C4orf54: variants seen among roughly 807,000 people sequenced by gnomAD.
C4orf54 encodes chromosome 4 open reading frame 54.
In C4orf54, 67 loss-of-function variants were observed where a neutral mutation model predicts 80.1. The ratio of observed to expected loss-of-function variants is 0.84; its 90% confidence interval spans 0.69 to 1.03. The LOEUF (loss-of-function observed/expected upper bound fraction) is 1.03. Ranked by LOEUF, C4orf54 falls within the 50% of genes least tolerant of loss-of-function variation. C4orf54 has a pLI of 0.00. For synonymous variants in C4orf54, 1,000 were observed against 917.0 expected (o/e 1.09, Z -1.64); for missense variants, 2,434 against 2,253.5 (o/e 1.08, Z -1.62).
rs70958324 is a variant in C4orf54, at chr4:99,645,410, T to TAAAA, written c.*36+3817_*36+3820dup. Among the ~76,000 whole-genome samples the TAAAA allele has an allele frequency of 3.8e-3, 213 of 55,860 alleles. 3 individuals carry two copies. Among genetic ancestry groups the TAAAA allele is most frequent in the East Asian group, 0.014 (28 of 1,946 alleles). 36.6% of individuals were successfully genotyped at this position (55,860 alleles called of 152,430 possible). A position where few individuals can be genotyped will look rare whatever the true frequency, so the allele number is the denominator to read the frequency against. On this transcript the variant is annotated intron_variant, in intron 2 of 2. Coordinates refer to ENST00000511828, the MANE Select transcript of C4orf54 (RefSeq NM_001354435.2). ...GAAATGAAGAAACAAAGGCTTACAG[T>TAAAA]AAAAAAAAAAAAAAAAAAAAAAGAA...
Position 99,649,547 on chromosome 4 carries a change from G to C in C4orf54, c.5102C>G (p.Pro1701Arg). Reference sequence around the variant, plus strand: ...CATTGGGGAGAGCTCACTTCCTCTTGGAGCGCGAGCAATTGGTGTGGGCTG... The same window carrying C: ...CATTGGGGAGAGCTCACTTCCTCTTCGAGCGCGAGCAATTGGTGTGGGCTG... The part of the protein sequence containing the change: ...ALQPTPIARA[P>R]RGSELSPMVA... The change falls in exon 2 of 3, where the codon CCA (proline) becomes CGA (arginine). Residue 1701 changes from proline (P) to arginine (R), a missense_variant. Coordinates refer to ENST00000511828, the MANE Select transcript of C4orf54 (RefSeq NM_001354435.2). The C allele has an allele frequency of 6.5e-7, 1 of 1,536,174 alleles. No homozygotes were observed. The highest frequency in any genetic ancestry group is 8.7e-7 in the Non-Finnish European group (1 of 1,146,922).
rs887849088 is a variant in C4orf54 at position 99,636,798 on chromosome 4, T to C, written c.*4435A>G. 2 of 152,208 alleles carry C rather than the reference T, an allele frequency of 1.3e-5. No individual in the cohort carries two copies. The highest frequency in any genetic ancestry group is 2.9e-5 in the Non-Finnish European group (2 of 68,026). The allele number at this position is 152,208 out of a possible 1,614,324, so 9.4% of individuals were successfully genotyped here. A position where few individuals can be genotyped will look rare whatever the true frequency, so the allele number is the denominator to read the frequency against. ...TGGCCAAGCTCATTGCATTCTATAA[T>C]TGAATCATATCAGACCTCAGGTAGG... On this transcript the variant is annotated 3_prime_UTR_variant, in exon 3 of 3. Coordinates refer to ENST00000511828, the MANE Select transcript of C4orf54 (RefSeq NM_001354435.2).
rs535272866 is a variant in C4orf54 at position 99,653,321 on chromosome 4, C to T, written c.1328G>A (p.Arg443Gln). 1.3e-6 allele frequency: 2 copies of T among 1,533,128 alleles called. No homozygotes were observed. Among genetic ancestry groups the T allele is most frequent in the Non-Finnish European group, 1.7e-6 (2 of 1,144,830 alleles). The allele number at this position is 1,533,128 out of a possible 1,614,324, so 95.0% of individuals were successfully genotyped here. Residue 443 changes from arginine (R) to glutamine (Q), a missense_variant, in exon 2 of 3, where the codon CGG becomes CAG. Transcript: ENST00000511828. The stretch of plus-strand genomic sequence containing the variant: ...GTCGCTGCTTGTAGGGCTGGGCGTC[C>T]GGGTGGTGTTGGTGCTGGGAGTGGT... ...LSTTPSTNTT[R>Q]TPSPTSSDLA...
In C4orf54 at chr4:99,649,876, G is replaced by A. The variant is rs1267087109; in HGVS notation, c.4773C>T (p.Ala1591=). 6.5e-7 allele frequency: 1 copy of A among 1,530,928 alleles called. No homozygotes were observed. Among genetic ancestry groups the A allele is most frequent in the Non-Finnish European group, 8.8e-7 (1 of 1,142,534 alleles). 94.8% of individuals were successfully genotyped at this position (1,530,928 alleles called of 1,614,324 possible). ...AGGGGTCTGTGGGGACGGGAGCTGA[G>A]GCTGCAGGTGCTGGGGCAGGCATGC... ...PPSMPAPAPA[A]SAPVPTDPFQ... The change falls in exon 2 of 3, where the codon GCC becomes GCT. Residue 1591 remains alanine, a synonymous_variant. Coordinates refer to ENST00000511828, the MANE Select transcript of C4orf54 (RefSeq NM_001354435.2).
In C4orf54 at chr4:99,650,246, TCA is replaced by T; in HGVS notation, c.4401_4402del (p.Cys1467Ter). 6.5e-7 allele frequency: 1 copy of T among 1,536,102 alleles called. No individual in the cohort carries two copies. The highest frequency in any genetic ancestry group is 8.7e-7 in the Non-Finnish European group (1 of 1,146,900). On this transcript the variant is annotated stop_gained and frameshift_variant, in exon 2 of 3. Coordinates refer to ENST00000511828, the MANE Select transcript of C4orf54 (RefSeq NM_001354435.2). LOFTEE classifies it high-confidence loss of function. ...TTTAAGAGGGATGGTCAGGTAATTC[TCA>T]CAGTCACTGTTGCTCTTCTCCAAAT...
At chr4:99,648,956 G>A (rs764463253) in intron 2 of C4orf54, among the ~76,000 whole-genome samples, 40 of 152,088 alleles carry the variant, frequency 2.6e-4, no homozygotes, top group Non-Finnish European at 2.5e-4. Context: ...CAGACCCAAG[G>A]TTCACTTCCC....
In C4orf54 at chr4:99,653,015, G is replaced by A. The variant is rs1205233119; in HGVS notation, c.1634C>T (p.Ala545Val). The A allele has an allele frequency of 6.5e-7, 1 of 1,536,182 alleles. No homozygotes were observed. The highest frequency in any genetic ancestry group is 2.4e-5 in the East Asian group (1 of 40,910). Reference sequence around the variant, plus strand: ...GCTCATGTCGCCTTCATGCTTGGCAGCATAAATAATGTTTTGCTTTGCACG... The same window carrying A: ...GCTCATGTCGCCTTCATGCTTGGCAACATAAATAATGTTTTGCTTTGCACG... The part of the protein sequence containing the change: ...NVRAKQNIIY[A>V]AKHEGDMSLR... Residue 545 changes from alanine to valine, a missense_variant, in exon 2 of 3, where the codon GCT becomes GTT. Transcript: ENST00000511828.
At chr4:99,654,780 TA>T in intron 1 of C4orf54, 101 bp from the exon 2 acceptor site, 1 of 586,888 alleles carries the variant, frequency 1.7e-6, no homozygotes, top group East Asian at 2.8e-5. Flanking sequence ...GAAGAGGCTC[TA>T]ATGAGATGAA....
rs963052300 is a variant in C4orf54 at position 99,649,445 on chromosome 4, G to A, written c.5204C>T (p.Pro1735Leu). Reference protein sequence around the residue: ...APYFMASGQSPASSTSSAPAA... With the variant: ...APYFMASGQSLASSTSSAPAA... ...TGGGGCTGAGGAGGTTGAGGAGGCC[G>A]GAGACTGACCAGAAGCCATGAAGTA... The change falls in exon 2 of 3, where the codon CCG (proline) becomes CTG (leucine). Residue 1735 changes from proline to leucine, a missense_variant. Coordinates refer to ENST00000511828, the MANE Select transcript of C4orf54 (RefSeq NM_001354435.2). 48 of 1,536,020 alleles carry A rather than the reference G, an allele frequency of 3.1e-5. No individual in the cohort carries two copies. The Middle Eastern group carries it at 5.0e-4, about 16-fold the overall frequency.
At position 99,654,144 on chromosome 4, in the gene C4orf54, G is replaced by A; in HGVS notation, c.505C>T (p.Gln169Ter). The A allele has an allele frequency of 6.5e-7, 1 of 1,536,118 alleles. No individual in the cohort carries two copies. The highest frequency in any genetic ancestry group is 8.7e-7 in the Non-Finnish European group (1 of 1,146,906). Residue 169 changes from glutamine (Q) to a stop codon, truncating the protein, a stop_gained, in exon 2 of 3, where the codon CAA (glutamine) becomes TAA (stop). Transcript: ENST00000511828. LOFTEE classifies it high-confidence loss of function. ...AEVGDGVSSAQDSQELKQQLW... is the reference protein window; with the variant it reads ...AEVGDGVSSA ...TGCTGCTTGAGCTCCTGGCTGTCTT[G>A]AGCACTGCTCACCCCGTCCCCCACC... is the stretch of plus-strand genomic sequence containing the variant.
intron 2 of C4orf54, 80 bp downstream of exon 2, chr4:99,649,151 A>T: frequency 1.6e-6 from 2 of 1,273,528 alleles, no homozygotes; most frequent in Non-Finnish European, 2.1e-6. Context: ...CCTTTATTGT[A>T]AATCTCTCAC....
rs746888603 is a variant in C4orf54 at position 99,652,407 on chromosome 4, C to T, written c.2242G>A (p.Val748Ile). ...QKQVQTGSRV[V>I]TLLEPLNVRS... ...ACATTCAGGGGCTCCAAAAGGGTGACGACGCGGGAGCCCGTCTGGACCTGC... is the reference window on the plus strand; with the variant it reads ...ACATTCAGGGGCTCCAAAAGGGTGATGACGCGGGAGCCCGTCTGGACCTGC... Residue 748 changes from valine (V) to isoleucine (I), a missense_variant, in exon 2 of 3, where the codon GTC (valine) becomes ATC (isoleucine). Physicochemically the swap from Val to Ile is conservative, Grantham distance 29 (BLOSUM62 3). Coordinates refer to ENST00000511828, the MANE Select transcript of C4orf54 (RefSeq NM_001354435.2). The T allele has an allele frequency of 1.8e-5, 28 of 1,535,898 alleles. No individual in the cohort carries two copies. The highest frequency in any genetic ancestry group is 1.2e-4 in the East Asian group (5 of 40,882).
chr4:99,651,339 G>A lies in C4orf54; in HGVS notation c.3310C>T (p.Gln1104Ter). ...DKSKAQGPLH[Q>*]VRDVRKLIKG... The stretch of plus-strand genomic sequence containing the variant: ...ATTAGTTTCCTGACATCTCTCACCT[G>A]GTGGAGGGGGCCTTGAGCCTTGGAC... The change falls in exon 2 of 3, where the codon CAG (glutamine) becomes TAG (stop). Residue 1104 changes from glutamine (Q) to a stop codon, truncating the protein, a stop_gained. Coordinates refer to ENST00000511828, the MANE Select transcript of C4orf54 (RefSeq NM_001354435.2). LOFTEE classifies it high-confidence loss of function. 1.3e-6 allele frequency: 2 copies of A among 1,536,148 alleles called. No homozygotes were observed. The highest frequency in any genetic ancestry group is 1.7e-6 in the Non-Finnish European group (2 of 1,146,920).
In C4orf54 at chr4:99,650,095, G is replaced by A; in HGVS notation, c.4554C>T (p.Ser1518=). Residue 1518 remains serine, a synonymous_variant, in exon 2 of 3, where the codon AGC becomes AGT. Coordinates refer to ENST00000511828, the MANE Select transcript of C4orf54 (RefSeq NM_001354435.2). ...PLSARSQVPS[S]SKGSQVSGTS... is the part of the protein sequence containing the mutation. Reference sequence around the variant, plus strand: ...TTCCACTAACCTGAGAGCCTTTGGAGCTACTGGGGACCTGACTGCGGGCAC... The same window carrying A: ...TTCCACTAACCTGAGAGCCTTTGGAACTACTGGGGACCTGACTGCGGGCAC... 1 of 1,535,984 alleles carries A rather than the reference G, an allele frequency of 6.5e-7. No homozygotes were observed. The highest frequency in any genetic ancestry group is 1.2e-5 in the South Asian group (1 of 84,052).
At chr4:99,648,755 A>G (rs1354288900) in intron 2 of C4orf54, among the ~76,000 whole-genome samples, 5 of 152,232 alleles carry the variant, frequency 3.3e-5, no homozygotes, top group African/African-American at 1.2e-4. Flanking sequence ...CCTACAAGAA[A>G]ACATCTGTCT....
Position 99,654,353 on chromosome 4 carries a change from G to A in C4orf54, c.296C>T (p.Ala99Val), listed in dbSNP as rs1329490182. Residue 99 changes from alanine to valine, a missense_variant, in exon 2 of 3, where the codon GCC becomes GTC. Physicochemically the swap from Ala to Val is moderately conservative, Grantham distance 64 (BLOSUM62 0). Coordinates refer to ENST00000511828, the MANE Select transcript of C4orf54 (RefSeq NM_001354435.2). ...CCCACGTATCTGGACTGGCCCCAAG[G>A]CTGTAGGCACTGCTGCCACTGCTGC... ...VVAAVAAVPT[A>V]LGPVQIRGTL... 1 of 1,257,032 alleles carries A rather than the reference G, an allele frequency of 8.0e-7. No individual in the cohort carries two copies. Among genetic ancestry groups the A allele is most frequent in the African/African-American group, 1.5e-5 (1 of 67,204 alleles). 77.9% of individuals were successfully genotyped at this position (1,257,032 alleles called of 1,614,324 possible). A position where few individuals can be genotyped will look rare whatever the true frequency, so the allele number is the denominator to read the frequency against.
In C4orf54 at chr4:99,652,070, C is replaced by A; in HGVS notation, c.2579G>T (p.Arg860Met). ...GARGSERQRE[R>M]GLQRQSSRHS... ...ACGAGAGCTCTGCCTCTGCAGGCCC[C>A]TCTCTCGCTGCCTCTCGCTCCCGCG... The change falls in exon 2 of 3, where the codon AGG becomes ATG. Residue 860 changes from arginine to methionine, a missense_variant. Arg to Met is a moderately conservative substitution (Grantham distance 91). Coordinates refer to ENST00000511828, the MANE Select transcript of C4orf54 (RefSeq NM_001354435.2). 1 of 1,536,170 alleles carries A rather than the reference C, an allele frequency of 6.5e-7. No homozygotes were observed. Among genetic ancestry groups the A allele is most frequent in the Non-Finnish European group, 8.7e-7 (1 of 1,146,906 alleles).
rs1226563442 is a variant in C4orf54 at position 99,650,231 on chromosome 4, A to C, written c.4418T>G (p.Ile1473Ser). ...SNSDCENYLT[I>S]PLKGSSAAGE... is the part of the protein sequence containing the mutation. ...TGCAGCAGAGCTTCCTTTAAGAGGG[A>C]TGGTCAGGTAATTCTCACAGTCACT... is the stretch of plus-strand genomic sequence containing the variant. Residue 1473 changes from isoleucine (I) to serine (S), a missense_variant, in exon 2 of 3, where the codon ATC becomes AGC. Ile to Ser is a moderately radical substitution (Grantham distance 142, BLOSUM62 -2). Transcript: ENST00000511828. 4.6e-6 allele frequency: 7 copies of C among 1,535,816 alleles called. No individual in the cohort carries two copies. Among genetic ancestry groups the C allele is most frequent in the Non-Finnish European group, 4.4e-6 (5 of 1,146,870 alleles).
chr4:99,656,272 T>G (rs1313712394), intron 1 of C4orf54, among the ~76,000 whole-genome samples: 2 of 151,798 alleles, frequency 1.3e-5, no homozygotes, highest in African/African-American at 4.9e-5. Context: ...ATGTTTTTTT[T>G]TATCTTAGTT....
Sources: gnomAD v4.1 joint callset for allele counts (sites outside exome capture counted in the v4.1 genomes callset) on GRCh38, gnomAD v4.1.1 for gene constraint, MANE v1.5 for transcripts, NCBI Gene and HGNC (gene_info 2026-07-23, HGNC 2026-07-21) for gene names.